The following GALNTL6 variants were observed in gnomAD, a reference collection of about 807,000 sequenced individuals.
GALNTL6 encodes polypeptide N-acetylgalactosaminyltransferase like 6, also known as polypeptide N-acetylgalactosaminyltransferase-like 6.
Under a neutral mutation model 73.7 loss-of-function variants are expected in GALNTL6, and 46 were observed. The ratio of observed to expected loss-of-function variants is 0.62; its 90% confidence interval spans 0.49 to 0.80. The LOEUF is 0.80. Among genes scored for constraint, GALNTL6 ranks in the 30% least tolerant of loss-of-function variants. GALNTL6 has a pLI of 0.00. For synonymous variants in GALNTL6, 259 were observed against 263.7 expected, an observed-to-expected ratio of 0.98 and a Z score of 0.17; for missense variants, 604 against 755.0, an observed-to-expected ratio of 0.80 and a Z score of 2.34.
In GALNTL6 at chr4:172,385,981, C is replaced by T. The variant is rs1168283579; in HGVS notation, c.553+37292C>T. Reference sequence around the variant, plus strand: ...AATTAACTTAAAGCAATCTAGTTCACGTTAATGTCAACTAAAGTCAATATT... The same window carrying T: ...AATTAACTTAAAGCAATCTAGTTCATGTTAATGTCAACTAAAGTCAATATT... On this transcript the variant is annotated intron_variant, in intron 5 of 12. Coordinates refer to ENST00000506823, the MANE Select transcript of GALNTL6 (RefSeq NM_001034845.3). 4.6e-5 allele frequency among the ~76,000 whole-genome samples: 7 copies of T among 151,942 alleles called. No individual in the cohort carries two copies. The East Asian group carries it at 9.6e-4, about 21-fold the overall frequency.
chr4:172,686,491 T>C (rs1237692893), intron 5 of GALNTL6, among the ~76,000 whole-genome samples: 2 of 152,330 alleles, frequency 1.3e-5, no homozygotes, highest in East Asian at 3.9e-4. Flanking sequence ...GTAACTTAAT[T>C]GTTAGCTATA....
chr4:172,573,570 G>T (rs780644780), intron 5 of GALNTL6, among the ~76,000 whole-genome samples: 1 of 152,092 alleles, frequency 6.6e-6, no homozygotes, highest in Non-Finnish European at 1.5e-5. Flanking sequence ...AAGTGGTATG[G>T]TAATGTAAAA....
chr4:172,712,880 T>A (rs1186391474), intron 5 of GALNTL6, among the ~76,000 whole-genome samples: 1 of 152,194 alleles, frequency 6.6e-6, no homozygotes, highest in African/African-American at 2.4e-5. Context: ...AGGCTGAACA[T>A]AATGAGTGTA....
At position 171,951,072 on chromosome 4, in the gene GALNTL6, T is replaced by C. The variant is rs969914712; in HGVS notation, c.138+136354T>C. On this transcript the variant is annotated intron_variant, in intron 2 of 12. Transcript: ENST00000506823. Reference sequence around the variant, plus strand: ...ATAAATGTACCAGGAATAAACACACTATTTGAAGGAACAGATTGTCATATT... The same window carrying C: ...ATAAATGTACCAGGAATAAACACACCATTTGAAGGAACAGATTGTCATATT... Among the ~76,000 whole-genome samples, 50 of 152,196 alleles carry C rather than the reference T, an allele frequency of 3.3e-4. No individual in the cohort carries two copies. In the East Asian group the frequency reaches 4.6e-3, roughly 14 times the overall value.
At chr4:172,040,793 G>A (rs1742066954) in intron 2 of GALNTL6, among the ~76,000 whole-genome samples, 1 of 151,988 alleles carries the variant, frequency 6.6e-6, no homozygotes, top group Non-Finnish European at 1.5e-5. Context: ...TGCATGCATT[G>A]CTTTCACACT....
chr4:172,970,922 T>G (rs1750552409), intron 10 of GALNTL6, among the ~76,000 whole-genome samples: 1 of 152,216 alleles, frequency 6.6e-6, no homozygotes, highest in South Asian at 2.1e-4. Flanking sequence ...CATGAAATCT[T>G]CACAATTTAT....
chr4:172,603,774 C>T (rs556499042), intron 5 of GALNTL6, among the ~76,000 whole-genome samples: 1 of 152,206 alleles, frequency 6.6e-6, no homozygotes, highest in South Asian at 2.1e-4. Flanking sequence ...CCATGGCAGG[C>T]AGGTTAATCT....
chr4:172,977,543 C>T (rs1388989064), intron 10 of GALNTL6, among the ~76,000 whole-genome samples: 16 of 152,122 alleles, frequency 1.1e-4, no homozygotes, highest in Non-Finnish European at 2.9e-5. Flanking sequence ...AAAGAAGATG[C>T]AGCATAGAGC....
At chr4:172,302,304 C>T (rs1469013355) in intron 3 of GALNTL6, among the ~76,000 whole-genome samples, 5 of 152,054 alleles carry the variant, frequency 3.3e-5, no homozygotes, top group Non-Finnish European at 5.9e-5. Flanking sequence ...ATTCCCTGAC[C>T]CCTTGAATTT....
intron 5 of GALNTL6, among the ~76,000 whole-genome samples, chr4:172,485,872 A>G (rs1733647164): frequency 1.3e-5 from 2 of 152,160 alleles, no homozygotes. Context: ...TGTAAACAGT[A>G]AAGGGATGTG....
chr4:172,457,927 C>A (rs1178922809), intron 5 of GALNTL6, among the ~76,000 whole-genome samples: 1 of 152,106 alleles, frequency 6.6e-6, no homozygotes, highest in Non-Finnish European at 1.5e-5. Flanking sequence ...AGCATCACAT[C>A]GCACTTATTC....
At chr4:172,882,323 C>T (rs971885282) in intron 7 of GALNTL6, among the ~76,000 whole-genome samples, 1 of 152,122 alleles carries the variant, frequency 6.6e-6, no homozygotes, top group Non-Finnish European at 1.5e-5. Flanking sequence ...ATGACCTGTT[C>T]ATAGTAGATG....
At position 172,167,982 on chromosome 4, in the gene GALNTL6, A is replaced by AAG. The variant is rs1560950784; in HGVS notation, c.139-61673_139-61672insGA. On this transcript the variant is annotated intron_variant, in intron 2 of 12. Transcript: ENST00000506823. ...CTCCGTCTCAAAAAAAAAAAAAAAA[A>AAG]AAAGAAACATTTCTGAGGCCAAATC... Among the ~76,000 whole-genome samples, 6 of 146,732 alleles carry AAG rather than the reference A, an allele frequency of 4.1e-5. 1 individual carries two copies. The highest frequency in any genetic ancestry group is 4.0e-4 in the East Asian group (2 of 4,980).
chr4:172,251,896 A>G (rs112631796), intron 3 of GALNTL6, among the ~76,000 whole-genome samples: 275 of 152,294 alleles, frequency 1.8e-3, no homozygotes, highest in African/African-American at 6.0e-3. Flanking sequence ...AAAAGTATCA[A>G]TGAAACTATA....
At chr4:172,132,714 C>A (rs1579169612) in intron 2 of GALNTL6, among the ~76,000 whole-genome samples, 1 of 152,088 alleles carries the variant, frequency 6.6e-6, no homozygotes, top group South Asian at 2.1e-4. Flanking sequence ...CATATTGGAA[C>A]CTTTCAGTGT....
chr4:173,009,608 A>G (rs1752455938), intron 11 of GALNTL6, among the ~76,000 whole-genome samples: 1 of 152,194 alleles, frequency 6.6e-6, no homozygotes, highest in Admixed American at 6.5e-5. Context: ...AGTTTAACAG[A>G]GGAAGCCTGT....
intron 5 of GALNTL6, among the ~76,000 whole-genome samples, chr4:172,766,755 A>G (rs1358833541): frequency 6.6e-6 from 1 of 152,208 alleles, no homozygotes; most frequent in African/African-American, 2.4e-5. Context: ...GAAAGGATAA[A>G]TGCTTTTCAT....
intron 2 of GALNTL6, among the ~76,000 whole-genome samples, chr4:172,111,981 C>T (rs1732864878): frequency 6.6e-6 from 1 of 151,994 alleles, no homozygotes; most frequent in South Asian, 2.1e-4. Flanking sequence ...GTTTTATGTA[C>T]TATAGGCTTG....
At chr4:172,350,752 ACT>A (rs1318181016) in intron 5 of GALNTL6, among the ~76,000 whole-genome samples, 4 of 151,776 alleles carry the variant, frequency 2.6e-5, no homozygotes, top group African/African-American at 9.7e-5. Context: ...ACTAGGAAAG[ACT>A]CTTTTTCCAA....
Sources: allele counts gnomAD v4.1 joint callset (sites outside exome capture counted in the v4.1 genomes callset), GRCh38; gene constraint gnomAD v4.1.1; transcripts MANE v1.5; gene names NCBI Gene and HGNC (gene_info 2026-07-23, HGNC 2026-07-21).